CIMIP6: variants seen among roughly 807,000 people sequenced by gnomAD.
The protein encoded by CIMIP6 is uncharacterized protein C2orf73.
chr2:54,378,253 G>A, the CIMIP6 span, among the ~76,000 whole-genome samples: 2 of 152,198 alleles, frequency 1.3e-5, no homozygotes, highest in African/African-American at 4.8e-5. Flanking sequence ...CTGGGTTTGT[G>A]GTGATAATAT....
At chr2:54,376,342 T>C in the CIMIP6 span, among the ~76,000 whole-genome samples, 2 of 152,126 alleles carry the variant, frequency 1.3e-5, no homozygotes, top group East Asian at 3.8e-4. Context: ...TGCAAACAGT[T>C]GAAGAAAAAT....
At chr2:54,376,312 C>T in the CIMIP6 span, among the ~76,000 whole-genome samples, 1 of 152,026 alleles carries the variant, frequency 6.6e-6, no homozygotes, top group East Asian at 1.9e-4. Flanking sequence ...CAGTGCTCAG[C>T]CTGTTTTTTA....
chr2:54,381,896 A>C, the CIMIP6 span: 1 of 1,550,712 alleles, frequency 6.4e-7, no homozygotes, highest in African/African-American at 1.4e-5. Context: ...CCTGTGCCAC[A>C]GTGCAGGAAG....
At chr2:54,333,536 C>T in the CIMIP6 span, among the ~76,000 whole-genome samples, 1 of 152,086 alleles carries the variant, frequency 6.6e-6, no homozygotes, top group African/African-American at 2.4e-5. Context: ...CTCAGAGCTA[C>T]AATTAGGAGG....
chr2:54,368,045 C>A, the CIMIP6 span, among the ~76,000 whole-genome samples: 1 of 152,138 alleles, frequency 6.6e-6, no homozygotes, highest in Non-Finnish European at 1.5e-5. Context: ...GTTTCACAAT[C>A]ATAAGCAAAA....
chr2:54,346,700 T>C, the CIMIP6 span, among the ~76,000 whole-genome samples: 1 of 152,210 alleles, frequency 6.6e-6, no homozygotes, highest in Non-Finnish European at 1.5e-5. Flanking sequence ...ATCTCCAAAA[T>C]AGACCCCAAA....
chr2:54,359,633 T>C, the CIMIP6 span, among the ~76,000 whole-genome samples: 1 of 151,464 alleles, frequency 6.6e-6, no homozygotes, highest in Admixed American at 6.6e-5. Flanking sequence ...ATAGTAATAA[T>C]ATCAAAGCAG....
chr2:54,355,610 C>G, the CIMIP6 span, among the ~76,000 whole-genome samples: 3 of 152,116 alleles, frequency 2.0e-5, no homozygotes, highest in Non-Finnish European at 1.5e-5. Flanking sequence ...CTTCCACCTT[C>G]CATGTCTCTG....
At chr2:54,341,054 T>C in the CIMIP6 span, among the ~76,000 whole-genome samples, 2 of 152,198 alleles carry the variant, frequency 1.3e-5, no homozygotes, top group African/African-American at 4.8e-5. Flanking sequence ...TTCCAGTAAC[T>C]TGAGTATTAG....
At chr2:54,384,130 G>T in the CIMIP6 span, among the ~76,000 whole-genome samples, 2 of 152,228 alleles carry the variant, frequency 1.3e-5, no homozygotes, top group African/African-American at 4.8e-5. Context: ...AAGACGCCTG[G>T]TGGTATGTGC....
At chr2:54,380,832 G>A in the CIMIP6 span, among the ~76,000 whole-genome samples, 1 of 152,164 alleles carries the variant, frequency 6.6e-6, no homozygotes, top group East Asian at 1.9e-4. Context: ...GGGAACATGG[G>A]CACAAAAGAC....
the CIMIP6 span, among the ~76,000 whole-genome samples, chr2:54,352,419 AT>A: frequency 6.6e-6 from 1 of 152,208 alleles, no homozygotes; most frequent in South Asian, 2.1e-4. Context: ...TATTGTGATT[AT>A]TACAGACAGT....
chr2:54,357,052 C>G, the CIMIP6 span, among the ~76,000 whole-genome samples: 1 of 152,102 alleles, frequency 6.6e-6, no homozygotes, highest in Non-Finnish European at 1.5e-5. Context: ...CTTATTAAAT[C>G]TTTGCACTAC....
the CIMIP6 span, among the ~76,000 whole-genome samples, chr2:54,380,862 C>G: frequency 2.0e-5 from 3 of 152,178 alleles, no homozygotes; most frequent in Non-Finnish European, 4.4e-5. Context: ...TTTCCTCTTT[C>G]CTCTACAGAT....
At chr2:54,336,803 G>A in the CIMIP6 span, among the ~76,000 whole-genome samples, 2 of 152,208 alleles carry the variant, frequency 1.3e-5, no homozygotes, top group Non-Finnish European at 2.9e-5. Context: ...AGACCAGAGG[G>A]AGAGTGAGGG....
At chr2:54,348,217 A>C in the CIMIP6 span, among the ~76,000 whole-genome samples, 1 of 152,208 alleles carries the variant, frequency 6.6e-6, no homozygotes, top group Non-Finnish European at 1.5e-5. Context: ...TCAATTTATG[A>C]AGTGAGAATA....
the CIMIP6 span, chr2:54,343,682 A>C: frequency 4.7e-5 from 70 of 1,490,148 alleles, no homozygotes; most frequent in Non-Finnish European, 6.3e-5. Flanking sequence ...AATGCCCTAC[A>C]GTATCCAATA....
the CIMIP6 span, among the ~76,000 whole-genome samples, chr2:54,351,331 T>G: frequency 6.6e-6 from 1 of 152,214 alleles, no homozygotes; most frequent in Non-Finnish European, 1.5e-5. Context: ...ATGCATATGT[T>G]CATTGCAGCA....
the CIMIP6 span, among the ~76,000 whole-genome samples, chr2:54,377,825 A>G: frequency 0.022 from 3,287 of 152,306 alleles, 121 homozygotes; most frequent in African/African-American, 0.073. Flanking sequence ...GTCAAGGTGT[A>G]ATTTCATTAA....
Sources: allele counts gnomAD v4.1 joint callset (sites outside exome capture counted in the v4.1 genomes callset), GRCh38; gene constraint gnomAD v4.1.1; transcripts MANE v1.5; gene names NCBI Gene and HGNC (gene_info 2026-07-23, HGNC 2026-07-21).